Variants in MTX2 observed in about 807,000 individuals in gnomAD.
MTX2 encodes metaxin-2.
Under a neutral mutation model 42.3 loss-of-function variants are expected in MTX2, and 35 were observed. The ratio of observed to expected loss-of-function variants is 0.83; its 90% CI spans 0.63 to 1.10. The LOEUF is 1.10. Among genes scored for constraint, MTX2 ranks in the 50% least tolerant of loss-of-function variants. The probability of loss-of-function intolerance (pLI) is 0.00; values close to 1 mark genes in which losing one functional copy is unlikely to be tolerated. For missense variants in MTX2, 307 were observed against 304.1 expected (o/e 1.01, Z -0.07); for synonymous variants, 119 against 100.9 (o/e 1.18, Z -1.08).
chr2:176,307,733 A>T (rs1684188125), intron 3 of MTX2, among the ~76,000 whole-genome samples: 1 of 152,056 alleles, frequency 6.6e-6, no homozygotes, highest in African/African-American at 2.4e-5. Flanking sequence ...AATGCTTGTG[A>T]TTTTTGCACA....
intron 3 of MTX2, among the ~76,000 whole-genome samples, chr2:176,312,509 AGAT>A (rs938836701): frequency 4.6e-5 from 7 of 152,188 alleles, no homozygotes; most frequent in African/African-American, 1.4e-4. Context: ...TTGTTAGAAA[AGAT>A]GATATTATGT....
intron 8 of MTX2, 83 bp from the exon 9 acceptor site, chr2:176,330,501 C>T (rs17336946): frequency 0.015 from 14,261 of 929,012 alleles, 138 homozygotes; most frequent in Non-Finnish European, 0.02. Context: ...TTGTTATAAA[C>T]TGTGATACAA....
In MTX2 at chr2:176,333,005, G is replaced by A. The variant is rs184632384; in HGVS notation, c.620+2345G>A. ...CTTAAATGGAAAATGTTATGAAAAC[G>A]TTGAATTTTACTGTTTTTGTTTTGA... On this transcript the variant is annotated intron_variant, in intron 9 of 9. Coordinates refer to ENST00000249442, the MANE Select transcript of MTX2 (RefSeq NM_006554.5). Among the ~76,000 whole-genome samples, 28 of 151,406 alleles carry A rather than the reference G, an allele frequency of 1.8e-4. No individual in the cohort carries two copies. The East Asian group carries it at 4.4e-3, about 24-fold the overall frequency.
At chr2:176,305,469 A>G (rs990105743) in intron 3 of MTX2, among the ~76,000 whole-genome samples, 12 of 152,086 alleles carry the variant, frequency 7.9e-5, no homozygotes, top group African/African-American at 2.9e-4. Flanking sequence ...ACTTTCGACT[A>G]TTTTATAACT....
intron 3 of MTX2, among the ~76,000 whole-genome samples, chr2:176,305,738 T>G (rs1332443268): frequency 1.3e-5 from 2 of 152,174 alleles, no homozygotes; most frequent in African/African-American, 2.4e-5. Flanking sequence ...TAAAATTGAC[T>G]CAAATATTCC....
At chr2:176,304,941 C>T (rs921047315) in intron 3 of MTX2, among the ~76,000 whole-genome samples, 1 of 151,974 alleles carries the variant, frequency 6.6e-6, no homozygotes, top group African/African-American at 2.4e-5. Flanking sequence ...AATTTAGAAG[C>T]TGTGTTTATA....
chr2:176,275,730 C>T (rs994596521), intron 1 of MTX2, among the ~76,000 whole-genome samples: 6 of 151,826 alleles, frequency 4.0e-5, no homozygotes, highest in Admixed American at 2.0e-4. Flanking sequence ...GTTGTGTAAT[C>T]CCATTTGGGC....
chr2:176,315,245 C>T (rs1321673138), intron 3 of MTX2, among the ~76,000 whole-genome samples: 2 of 152,128 alleles, frequency 1.3e-5, no homozygotes, highest in African/African-American at 2.4e-5. Context: ...TGTAGGTCCC[C>T]TTCCTTCCAC....
chr2:176,288,262 C>T lies in MTX2; in HGVS notation c.41-8598C>T, dbSNP rs948663169. Reference sequence around the variant, plus strand: ...CATATCATCATATTTTAAGTCTAAACATCTTAAAAATCTATTTTAAATGAA... The same window carrying T: ...CATATCATCATATTTTAAGTCTAAATATCTTAAAAATCTATTTTAAATGAA... On this transcript the variant is annotated intron_variant, in intron 1 of 9. Coordinates refer to ENST00000249442, the MANE Select transcript of MTX2 (RefSeq NM_006554.5). 5.9e-5 allele frequency among the ~76,000 whole-genome samples: 9 copies of T among 151,984 alleles called. No homozygotes were observed. In the East Asian group the frequency reaches 1.7e-3, roughly 29 times the overall value.
intron 8 of MTX2, 51 bp downstream of exon 8, chr2:176,329,477 A>C (rs749414915): frequency 6.5e-7 from 1 of 1,533,130 alleles, no homozygotes; most frequent in African/African-American, 1.4e-5. Flanking sequence ...GCATTAAAAG[A>C]ATCATTCTTT....
intron 1 of MTX2, among the ~76,000 whole-genome samples, chr2:176,286,209 T>G (rs942669623): frequency 7.2e-5 from 11 of 152,302 alleles, no homozygotes; most frequent in African/African-American, 2.6e-4. Context: ...TTTTAAAAAT[T>G]GGGTTATGTT....
In MTX2 at chr2:176,269,514, G is replaced by A; in HGVS notation, c.-116G>A. Reference sequence around the variant, plus strand: ...CCGCTGCTGTTGGAGTGGGCTTTGCGAGTCTGAACGTTGGCGGGGCTAGGC... The same window carrying A: ...CCGCTGCTGTTGGAGTGGGCTTTGCAAGTCTGAACGTTGGCGGGGCTAGGC... On this transcript the variant is annotated 5_prime_UTR_variant, in exon 1 of 10. Coordinates refer to ENST00000249442, the MANE Select transcript of MTX2 (RefSeq NM_006554.5). 8.5e-7 allele frequency: 1 copy of A among 1,178,910 alleles called. No homozygotes were observed. The highest frequency in any genetic ancestry group is 1.2e-6 in the Non-Finnish European group (1 of 868,244). 73.0% of individuals were successfully genotyped at this position (1,178,910 alleles called of 1,614,324 possible). A position where few individuals can be genotyped will look rare whatever the true frequency, so the allele number is the denominator to read the frequency against.
At position 176,329,502 on chromosome 2, in the gene MTX2, T is replaced by C. The variant is rs1684803738; in HGVS notation, c.543+76T>C. The C allele has an allele frequency of 6.8e-6, 9 of 1,331,900 alleles. No homozygotes were observed. In the South Asian group the frequency reaches 1.6e-4, roughly 24 times the overall value. The allele number at this position is 1,331,900 out of a possible 1,614,324, so 82.5% of individuals were successfully genotyped here. A position where few individuals can be genotyped will look rare whatever the true frequency, so the allele number is the denominator to read the frequency against. On this transcript the variant is annotated intron_variant, in intron 8 of 9. Transcript: ENST00000249442. The stretch of plus-strand genomic sequence containing the variant: ...AATCATTCTTTATATTGATACTCCT[T>C]TAAAAAAATATATATAAGATTTGCA...
chr2:176,337,533 A>T lies in MTX2; in HGVS notation c.661A>T (p.Thr221Ser). Residue 221 changes from threonine to serine, a missense_variant, in exon 10 of 10, where the codon ACC (threonine) becomes TCC (serine). By Grantham distance (58) the Thr-to-Ser change is moderately conservative. Transcript: ENST00000249442. ...LDALVFGHLY[T>S]ILTTQLTNDE... ...CGCACTGGTATTTGGCCATCTATACACCATTCTTACCACACAATTGACAAA... is the reference window on the plus strand; with the variant it reads ...CGCACTGGTATTTGGCCATCTATACTCCATTCTTACCACACAATTGACAAA... 1 of 1,612,836 alleles carries T rather than the reference A, an allele frequency of 6.2e-7. No homozygotes were observed.
intron 1 of MTX2, among the ~76,000 whole-genome samples, chr2:176,295,857 A>G (rs1228063824): frequency 6.6e-6 from 1 of 152,186 alleles, no homozygotes; most frequent in Non-Finnish European, 1.5e-5. Flanking sequence ...ATTTGTTGCT[A>G]TGTCACAGAG....
chr2:176,299,593 T>C (rs1011947984), intron 3 of MTX2, among the ~76,000 whole-genome samples: 1 of 152,148 alleles, frequency 6.6e-6, no homozygotes, highest in African/African-American at 2.4e-5. Context: ...TTACGCAGCA[T>C]ATATTAAAAT....
At chr2:176,323,369 AT>A in intron 3 of MTX2, 22 bp from the exon 4 acceptor site, 1 of 1,595,744 alleles carries the variant, frequency 6.3e-7, no homozygotes, top group Non-Finnish European at 8.6e-7. Flanking sequence ...TACTGGGCTT[AT>A]TGTATGTATC....
At chr2:176,281,217 T>C (rs72933937) in intron 1 of MTX2, among the ~76,000 whole-genome samples, 19,791 of 152,120 alleles carry the variant, frequency 0.13, 1,677 homozygotes, top group South Asian at 0.3. Context: ...TACTTATGTA[T>C]AGGGTGCTGT....
At chr2:176,327,964 A>G (rs1413662920) in intron 5 of MTX2, among the ~76,000 whole-genome samples, 1 of 151,000 alleles carries the variant, frequency 6.6e-6, no homozygotes, top group Non-Finnish European at 1.5e-5. Context: ...AGCACATGTC[A>G]GTCTTTTGGC....
Sources: gnomAD v4.1 joint callset for allele counts (sites outside exome capture counted in the v4.1 genomes callset) on GRCh38, gnomAD v4.1.1 for gene constraint, MANE v1.5 for transcripts, NCBI Gene and HGNC (gene_info 2026-07-23, HGNC 2026-07-21) for gene names.